The following PPFIBP1 variants were observed in gnomAD, a reference collection of about 807,000 sequenced individuals.
PPFIBP1 encodes the protein liprin-beta-1.
Under a neutral mutation model 137.8 loss-of-function variants are expected in PPFIBP1, and 112 were observed. That is an observed-to-expected ratio of 0.81 (90% CI 0.70 to 0.95). The LOEUF (loss-of-function observed/expected upper bound fraction) is 0.95. Among genes scored for constraint, PPFIBP1 ranks in the 40% least tolerant of loss-of-function variants. The probability of loss-of-function intolerance (pLI) is 0.00; values close to 1 mark genes in which losing one functional copy is unlikely to be tolerated. For missense variants in PPFIBP1, 1,083 were observed against 1,196.6 expected, an observed-to-expected ratio of 0.91 and a Z score of 1.40; for synonymous variants, 378 against 417.3, an observed-to-expected ratio of 0.91 and a Z score of 1.15.
intron 4 of PPFIBP1, among the ~76,000 whole-genome samples, chr12:27,642,760 A>G (rs561160376): frequency 0.028 from 4,262 of 151,954 alleles, 88 homozygotes; most frequent in Non-Finnish European, 0.042. Flanking sequence ...GTAAAGGAAA[A>G]TGGAAGAAAG....
At chr12:27,554,160 T>C (rs1947054738) in intron 1 of PPFIBP1, among the ~76,000 whole-genome samples, 1 of 152,232 alleles carries the variant, frequency 6.6e-6, no homozygotes, top group Admixed American at 6.5e-5. Context: ...AAGATTCCTG[T>C]TAAGCCCTGG....
chr12:27,645,412 A>G (rs917626836), intron 4 of PPFIBP1, among the ~76,000 whole-genome samples: 21 of 151,264 alleles, frequency 1.4e-4, no homozygotes, highest in African/African-American at 4.6e-4. Context: ...TGGCATTTAT[A>G]CCACGCATAA....
intron 21 of PPFIBP1, 103 bp downstream of exon 21, chr12:27,680,164 T>C: frequency 6.9e-7 from 1 of 1,446,100 alleles, no homozygotes; most frequent in Admixed American, 2.1e-5. Flanking sequence ...AAGTCATTGC[T>C]TAATGCTGTG....
At chr12:27,536,824 G>A (rs1231503949) in intron 1 of PPFIBP1, among the ~76,000 whole-genome samples, 3 of 152,098 alleles carry the variant, frequency 2.0e-5, no homozygotes, top group African/African-American at 7.2e-5. Context: ...TCTGAGCATG[G>A]GGTCCTGTGT....
intron 2 of PPFIBP1, among the ~76,000 whole-genome samples, chr12:27,613,123 G>C (rs1431352080): frequency 6.6e-6 from 1 of 152,186 alleles, no homozygotes; most frequent in Admixed American, 6.5e-5. Flanking sequence ...CAGTGCCAAA[G>C]ACCAAAACCC....
chr12:27,674,073 A>T, intron 16 of PPFIBP1, 119 bp from the exon 17 acceptor site: 4 of 927,044 alleles, frequency 4.3e-6, no homozygotes, highest in Non-Finnish European at 4.9e-6. Flanking sequence ...CAATACTAAG[A>T]TTTTGTAGCT....
intron 1 of PPFIBP1, among the ~76,000 whole-genome samples, chr12:27,576,254 C>A (rs1418394911): frequency 6.6e-6 from 1 of 151,970 alleles, no homozygotes; most frequent in Non-Finnish European, 1.5e-5. Context: ...TAATTTTCTC[C>A]TTTCTTATTC....
chr12:27,524,808 T>TA (rs1357854352), intron 1 of PPFIBP1, among the ~76,000 whole-genome samples: 1 of 152,236 alleles, frequency 6.6e-6, no homozygotes, highest in Non-Finnish European at 1.5e-5. Flanking sequence ...TGGCCTATTA[T>TA]ATATTAAAAG....
intron 2 of PPFIBP1, among the ~76,000 whole-genome samples, chr12:27,620,590 G>A (rs1001463419): frequency 6.6e-6 from 1 of 152,158 alleles, no homozygotes; most frequent in African/African-American, 2.4e-5. Context: ...GAGCTGGCAC[G>A]GTATATAATT....
chr12:27,682,326 C>T, intron 22 of PPFIBP1, 61 bp from the exon 23 acceptor site: 1 of 1,178,620 alleles, frequency 8.5e-7, no homozygotes, highest in African/African-American at 1.5e-5. Context: ...AATTTGCATC[C>T]TTTGCCAGTG....
intron 1 of PPFIBP1, among the ~76,000 whole-genome samples, chr12:27,526,449 TA>T (rs1256710682): frequency 6.6e-6 from 1 of 151,532 alleles, no homozygotes; most frequent in African/African-American, 2.4e-5. Context: ...ACGGAATACT[TA>T]AAAGATGTTT....
At chr12:27,688,067 A>G (rs2061306036) in intron 25 of PPFIBP1, 2 of 433,154 alleles carry the variant, frequency 4.6e-6, no homozygotes, top group East Asian at 8.7e-5. Context: ...AGCGTGGGTA[A>G]GAGAATTAGA....
rs762521636 is a variant in PPFIBP1 at position 27,649,621 on chromosome 12, G to A, written c.472-389G>A. Among the ~76,000 whole-genome samples, 15 of 152,112 alleles carry A rather than the reference G, an allele frequency of 9.9e-5. No individual in the cohort carries two copies. In the East Asian group the frequency reaches 1.2e-3, roughly 12 times the overall value. ...GCTGGAGTGCAATGGTGCGATCTCC[G>A]CTCCCTGTAACCTCCGCCTCCTGGG... On this transcript the variant is annotated intron_variant, in intron 6 of 29. Coordinates refer to ENST00000228425, the MANE Select transcript of PPFIBP1 (RefSeq NM_003622.4).
At chr12:27,603,121 G>A (rs369670495) in intron 2 of PPFIBP1, among the ~76,000 whole-genome samples, 3 of 152,046 alleles carry the variant, frequency 2.0e-5, no homozygotes, top group African/African-American at 4.8e-5. Flanking sequence ...TCCTCTCCTC[G>A]CTCTCTGTTG....
In PPFIBP1 at chr12:27,677,061, A is replaced by C; in HGVS notation, c.1583-3A>C. ...ATTGTGTGCGTTGTTGGGATATCTG[A>C]AGATCGTAAACGAAGTGCCAGTGCA... On this transcript the variant is annotated splice_polypyrimidine_tract_variant and splice_region_variant and intron_variant, in intron 18 of 29. Coordinates refer to ENST00000228425, the MANE Select transcript of PPFIBP1 (RefSeq NM_003622.4). 6.8e-6 allele frequency: 11 copies of C among 1,614,158 alleles called. No individual in the cohort carries two copies. Among genetic ancestry groups the C allele is most frequent in the Non-Finnish European group, 9.3e-6 (11 of 1,180,014 alleles).
chr12:27,617,907 C>T (rs1259041543), intron 2 of PPFIBP1, among the ~76,000 whole-genome samples: 2 of 152,140 alleles, frequency 1.3e-5, no homozygotes, highest in Non-Finnish European at 2.9e-5. Context: ...GTCCTGCCCA[C>T]GTCATTCAAC....
intron 26 of PPFIBP1, among the ~76,000 whole-genome samples, chr12:27,688,728 C>T (rs1346471020): frequency 2.6e-5 from 4 of 152,124 alleles, no homozygotes. Context: ...GTTAATGTTG[C>T]TTAAGGAGGT....
chr12:27,618,349 T>C (rs1379814441), intron 2 of PPFIBP1, among the ~76,000 whole-genome samples: 2 of 152,222 alleles, frequency 1.3e-5, no homozygotes, highest in African/African-American at 4.8e-5. Flanking sequence ...ACATGACTCA[T>C]TATTCCCTCT....
intron 1 of PPFIBP1, among the ~76,000 whole-genome samples, chr12:27,525,520 A>G (rs926845152): frequency 4.8e-5 from 7 of 147,036 alleles, no homozygotes; most frequent in African/African-American, 1.9e-4. Flanking sequence ...AAGGAAAAAA[A>G]AAAAAAAAAA....
Sources: allele counts gnomAD v4.1 joint callset (sites outside exome capture counted in the v4.1 genomes callset), GRCh38; gene constraint gnomAD v4.1.1; transcripts MANE v1.5; gene names NCBI Gene and HGNC (gene_info 2026-07-23, HGNC 2026-07-21).